ADGRL3: variants seen among roughly 807,000 people sequenced by gnomAD.
The protein encoded by ADGRL3 is calcium-independent alpha-latrotoxin receptor 3.
A neutral mutation model predicts 153.5 loss-of-function variants in ADGRL3; 62 were observed. That is an observed-to-expected ratio of 0.40 (90% CI 0.33 to 0.50). The LOEUF is 0.50. ADGRL3 is among the 20% of genes least tolerant of loss of function. The pLI is 0.47. For synonymous variants in ADGRL3, 710 were observed against 672.5 expected, an observed-to-expected ratio of 1.06 and a Z score of -0.86; for missense variants, 1,641 against 1,859.4, an observed-to-expected ratio of 0.88 and a Z score of 2.16.
chr4:61,744,136 G>T lies in ADGRL3; in HGVS notation c.1399+10582G>T, dbSNP rs189780773. 9.4e-3 allele frequency among the ~76,000 whole-genome samples: 1,428 copies of T among 152,262 alleles called. 30 individuals carry two copies. The highest frequency in any genetic ancestry group is 0.033 in the African/African-American group (1,352 of 41,544). On this transcript the variant is annotated intron_variant, in intron 8 of 26. Transcript: ENST00000683033. ...TAGCACAACAGTCTGAGATCAAACT[G>T]CAAGGCAGCAGCGAGGCTGGGGGAG...
chr4:61,396,305 T>C (rs1414469113), intron 2 of ADGRL3, among the ~76,000 whole-genome samples: 1 of 151,950 alleles, frequency 6.6e-6, no homozygotes, highest in Non-Finnish European at 1.5e-5. Context: ...GCAAACTAAG[T>C]TATAATGTTG....
intron 8 of ADGRL3, among the ~76,000 whole-genome samples, chr4:61,765,459 G>T (rs1208480420): frequency 6.6e-6 from 1 of 152,092 alleles, no homozygotes; most frequent in Admixed American, 6.5e-5. Context: ...TTGGTGAGGT[G>T]TGTTTTTAAA....
chr4:61,441,533 T>C (rs79067131), intron 2 of ADGRL3, among the ~76,000 whole-genome samples: 10 of 121,228 alleles, frequency 8.2e-5, no homozygotes, highest in Non-Finnish European at 1.4e-4. Flanking sequence ...TTTTTTTTTT[T>C]CCTCCAGACG....
At chr4:61,588,075 T>A (rs901503661) in intron 5 of ADGRL3, among the ~76,000 whole-genome samples, 57 of 151,748 alleles carry the variant, frequency 3.8e-4, no homozygotes, top group African/African-American at 1.4e-3. Context: ...TCAGTAGGAA[T>A]GCATATTATA....
At chr4:61,982,707 C>G (rs893424032) in intron 18 of ADGRL3, among the ~76,000 whole-genome samples, 3 of 152,012 alleles carry the variant, frequency 2.0e-5, no homozygotes, top group African/African-American at 4.8e-5. Flanking sequence ...TTGTCTAAAC[C>G]AATATTTAGT....
chr4:62,066,016 A>C (rs1742807122), intron 25 of ADGRL3, among the ~76,000 whole-genome samples: 1 of 152,100 alleles, frequency 6.6e-6, no homozygotes, highest in Non-Finnish European at 1.5e-5. Context: ...CTTTTTTAAA[A>C]AACCAAAGTA....
intron 11 of ADGRL3, among the ~76,000 whole-genome samples, chr4:61,907,546 C>T (rs1302751488): frequency 4.0e-5 from 6 of 151,376 alleles, no homozygotes; most frequent in East Asian, 1.9e-4. Context: ...CATGAGCCAC[C>T]GTGCCCAGCC....
chr4:61,526,558 A>T (rs536584887), intron 4 of ADGRL3, among the ~76,000 whole-genome samples: 3 of 152,132 alleles, frequency 2.0e-5, no homozygotes, highest in African/African-American at 7.2e-5. Context: ...AGGGAAGAAC[A>T]CTTGAGGCCA....
At chr4:61,432,636 TTCTTTC>T in intron 2 of ADGRL3, among the ~76,000 whole-genome samples, 1 of 83,704 alleles carries the variant, frequency 1.2e-5, no homozygotes, top group African/African-American at 4.6e-5. Flanking sequence ...CTTTCTTTCT[TTCTTTC>T]TTTCTTTCTT....
intron 2 of ADGRL3, among the ~76,000 whole-genome samples, chr4:61,466,279 A>G (rs1157156251): frequency 6.6e-6 from 1 of 152,206 alleles, no homozygotes; most frequent in African/African-American, 2.4e-5. Flanking sequence ...CAATAATATC[A>G]GAATACAAAT....
At chr4:61,414,554 T>C (rs2097125514) in intron 2 of ADGRL3, among the ~76,000 whole-genome samples, 2 of 152,088 alleles carry the variant, frequency 1.3e-5, no homozygotes, top group Admixed American at 6.6e-5. Context: ...TTTCCAACAA[T>C]TGGATAATTA....
intron 2 of ADGRL3, among the ~76,000 whole-genome samples, chr4:61,419,147 G>A (rs1357709866): frequency 6.6e-6 from 1 of 150,476 alleles, no homozygotes; most frequent in Non-Finnish European, 1.5e-5. Context: ...ATAATTAGTA[G>A]GTCTTTGGAA....
chr4:61,458,011 A>G (rs1301724833), intron 2 of ADGRL3, among the ~76,000 whole-genome samples: 1 of 151,808 alleles, frequency 6.6e-6, no homozygotes, highest in East Asian at 1.9e-4. Context: ...ATATTTAGAT[A>G]TTGTGAAATG....
intron 1 of ADGRL3, among the ~76,000 whole-genome samples, chr4:61,297,386 A>T (rs1373223931): frequency 2.6e-5 from 4 of 152,088 alleles, no homozygotes; most frequent in Non-Finnish European, 5.9e-5. Flanking sequence ...TAAATTGCCG[A>T]TTTCAGTCTT....
rs146537785 is a variant in ADGRL3 at position 61,688,606 on chromosome 4, C to A, written c.583+11671C>A. 5.6e-4 allele frequency among the ~76,000 whole-genome samples: 85 copies of A among 152,274 alleles called. 2 individuals are homozygous for A. Among genetic ancestry groups the A allele is most frequent in the African/African-American group, 1.8e-3 (76 of 41,572 alleles). Reference sequence around the variant, plus strand: ...GAATTAATACACCTATTGCATGCCACTCATTTGTAATGTCTTCTGATAATC... The same window carrying A: ...GAATTAATACACCTATTGCATGCCAATCATTTGTAATGTCTTCTGATAATC... On this transcript the variant is annotated intron_variant, in intron 6 of 26. Coordinates refer to ENST00000683033, the MANE Select transcript of ADGRL3 (RefSeq NM_001387552.1).
intron 1 of ADGRL3, among the ~76,000 whole-genome samples, chr4:61,277,641 C>T (rs1293221500): frequency 3.3e-5 from 5 of 152,116 alleles, no homozygotes; most frequent in Admixed American, 3.3e-4. Flanking sequence ...AATTCCAGTT[C>T]CAGAGCCACG....
intron 23 of ADGRL3, 29 bp downstream of exon 23, chr4:62,031,639 A>C (rs1722087603): frequency 1.3e-6 from 2 of 1,514,062 alleles, no homozygotes; most frequent in Non-Finnish European, 9.1e-7. Context: ...TTTAAAATAA[A>C]AATGGCATAC....
At chr4:61,484,556 C>T (rs1420506725) in intron 2 of ADGRL3, among the ~76,000 whole-genome samples, 1 of 152,106 alleles carries the variant, frequency 6.6e-6, no homozygotes, top group Non-Finnish European at 1.5e-5. Flanking sequence ...TGTTCCCTTA[C>T]TTTATTTCCA....
intron 6 of ADGRL3, among the ~76,000 whole-genome samples, chr4:61,710,790 G>A (rs369226162): frequency 2.0e-5 from 3 of 151,990 alleles, no homozygotes; most frequent in Non-Finnish European, 2.9e-5. Flanking sequence ...TTGCTAATCC[G>A]ACAACACTCT....
Sources: gnomAD v4.1 joint callset for allele counts (sites outside exome capture counted in the v4.1 genomes callset) on GRCh38, gnomAD v4.1.1 for gene constraint, MANE v1.5 for transcripts, NCBI Gene and HGNC (gene_info 2026-07-23, HGNC 2026-07-21) for gene names.